Variants in ST7 observed in about 807,000 individuals in gnomAD.
ST7 encodes suppression of tumorigenicity 7.
ST7 carries 28 observed loss-of-function variants against 78.7 expected under a neutral mutation model. That is an observed-to-expected ratio of 0.36 (90% CI 0.26 to 0.49). ST7 has a LOEUF of 0.49. ST7 is among the 20% of genes least tolerant of loss of function. The pLI is 0.99. For missense variants in ST7, 418 were observed against 696.0 expected, an observed-to-expected ratio of 0.60 and a Z score of 4.49; for synonymous variants, 247 against 249.6, an observed-to-expected ratio of 0.99 and a Z score of 0.10.
intron 1 of ST7, among the ~76,000 whole-genome samples, chr7:117,087,584 A>G (rs1800257841): frequency 6.6e-6 from 1 of 152,214 alleles, no homozygotes; most frequent in Admixed American, 6.5e-5. Context: ...TTCATAATTT[A>G]CTTACTAACT....
intron 1 of ST7, among the ~76,000 whole-genome samples, chr7:117,095,399 T>C (rs762369542): frequency 2.2e-4 from 34 of 152,310 alleles, no homozygotes; most frequent in Non-Finnish European, 4.3e-4. Flanking sequence ...CTGTGATCCA[T>C]AGAGGTAATT....
intron 3 of ST7, 77 bp from the exon 4 acceptor site, chr7:117,129,716 G>C: frequency 9.3e-7 from 1 of 1,074,762 alleles, no homozygotes; most frequent in East Asian, 2.4e-5. Context: ...ATGGCAGGAA[G>C]GGTGTTTTGC....
At chr7:117,182,767 G>A (rs1365765864) in intron 10 of ST7, 3 of 152,122 alleles carry the variant, frequency 2.0e-5, no homozygotes, top group Non-Finnish European at 2.9e-5. Flanking sequence ...GGATTTAGAG[G>A]ATTGTTTTCA....
chr7:117,060,499 T>C (rs891285028), intron 1 of ST7, among the ~76,000 whole-genome samples: 4 of 152,196 alleles, frequency 2.6e-5, no homozygotes, highest in African/African-American at 9.6e-5. Flanking sequence ...GACTAAATGC[T>C]TGACAAATAC....
intron 1 of ST7, chr7:116,965,706 T>G (rs1469590609): frequency 6.6e-6 from 1 of 152,420 alleles, no homozygotes; most frequent in African/African-American, 2.4e-5. Context: ...GATTCTTGAA[T>G]GAATGTTTTC....
Position 117,190,924 on chromosome 7 carries a change from T to C in ST7, c.1242T>C (p.Pro414=). ...EAIHRAVEFN[P]HVPKYLLEMK... is the part of the protein sequence containing the mutation. ...TTCATAGAGCTGTGGAATTCAATCC[T>C]CATGTGCCAAAAGTGAGTCTGTGGA... The change falls in exon 12 of 16, where the codon CCT becomes CCC. Residue 414 remains proline, a synonymous_variant. Transcript: ENST00000323984. The surrounding 1 kb of genome is among the most constrained non-coding windows in gnomAD (Gnocchi z 5.2). The C allele has an allele frequency of 6.2e-7, 1 of 1,613,850 alleles. No individual in the cohort carries two copies. The highest frequency in any genetic ancestry group is 8.5e-7 in the Non-Finnish European group (1 of 1,179,766).
At chr7:117,043,593 T>G (rs557242286) in intron 1 of ST7, among the ~76,000 whole-genome samples, 15 of 152,334 alleles carry the variant, frequency 9.8e-5, no homozygotes, top group African/African-American at 3.6e-4. Flanking sequence ...TTTAATTGCC[T>G]TTAACCAATG....
At chr7:117,027,046 G>A (rs1352884438) in intron 1 of ST7, among the ~76,000 whole-genome samples, 1 of 152,198 alleles carries the variant, frequency 6.6e-6, no homozygotes, top group Non-Finnish European at 1.5e-5. Context: ...ACTAAAGGTT[G>A]GAATGTTGTC....
chr7:117,006,143 G>A (rs969623881), intron 1 of ST7, among the ~76,000 whole-genome samples: 12 of 152,256 alleles, frequency 7.9e-5, no homozygotes, highest in African/African-American at 2.2e-4. Flanking sequence ...CCTTTTTCAT[G>A]GTTGATTTAT....
At chr7:117,195,503 T>A (rs1428842973) in intron 12 of ST7, among the ~76,000 whole-genome samples, 1 of 152,146 alleles carries the variant, frequency 6.6e-6, no homozygotes, top group Admixed American at 6.5e-5. Context: ...ACTAAGTGAT[T>A]TATAGAGGAA....
intron 1 of ST7, among the ~76,000 whole-genome samples, chr7:117,088,534 T>C (rs1800333755): frequency 6.6e-6 from 1 of 152,230 alleles, no homozygotes; most frequent in African/African-American, 2.4e-5. Flanking sequence ...GTTCAAACAG[T>C]TGATTATTGT....
In ST7 at chr7:117,134,138, T is replaced by G. The variant is rs765515114; in HGVS notation, c.656T>G (p.Val219Gly). Reference sequence around the variant, plus strand: ...TTCTTGGTCAGAATTAGGTCCAGAGTTGAAGTTCCCCTAATTGCTTCCTCT... The same window carrying G: ...TTCTTGGTCAGAATTAGGTCCAGAGGTGAAGTTCCCCTAATTGCTTCCTCT... ...ALEINEIRSR[V>G]EVPLIASSTI... is the part of the protein sequence containing the mutation. The change falls in exon 7 of 16, where the codon GTT (valine) becomes GGT (glycine). Residue 219 changes from valine to glycine, a missense_variant. This residue lies in a region of ST7 where 288 missense variants were observed against 537.1 expected (regional missense o/e 0.54). Coordinates refer to ENST00000323984, the MANE Select transcript of ST7 (RefSeq NM_001369598.1). 2 of 1,611,882 alleles carry G rather than the reference T, an allele frequency of 1.2e-6. No homozygotes were observed. Among genetic ancestry groups the G allele is most frequent in the Non-Finnish European group, 1.7e-6 (2 of 1,178,712 alleles).
intron 1 of ST7, among the ~76,000 whole-genome samples, chr7:117,027,463 A>AAAAGTAAAAGTAAAAGTAAAAGT (rs1554427204): frequency 7.1e-6 from 1 of 140,630 alleles, no homozygotes; most frequent in African/African-American, 2.8e-5. Flanking sequence ...AAAGTAAAGT[A>AAAAGTAAAAGTAAAAGTAAAAGT]AAAGTAAAGT....
chr7:117,127,519 C>T (rs1398887127), intron 3 of ST7, among the ~76,000 whole-genome samples: 4 of 151,946 alleles, frequency 2.6e-5, no homozygotes. Context: ...ACCTGTCTTG[C>T]ACCTTCAATT....
At position 117,205,672 on chromosome 7, in the gene ST7, G is replaced by C. The variant is rs1037938409; in HGVS notation, c.1255-4115G>C. Among the ~76,000 whole-genome samples the C allele has an allele frequency of 1.2e-4, 19 of 152,220 alleles. 1 individual carries two copies. The highest frequency in any genetic ancestry group is 1.3e-4 in the Non-Finnish European group (9 of 68,048). On this transcript the variant is annotated intron_variant, in intron 12 of 15. Transcript: ENST00000323984. ...CTCCACTCAGAGACCTCCATGAGTA[G>C]GCGCTGCTCACACCTAAAGACCACA...
At chr7:117,131,250 A>T (rs1804326703) in intron 5 of ST7, among the ~76,000 whole-genome samples, 1 of 151,902 alleles carries the variant, frequency 6.6e-6, no homozygotes, top group Non-Finnish European at 1.5e-5. Context: ...TAAAATAAAT[A>T]AGGAGATTGT....
chr7:117,112,851 T>C (rs1259640435), intron 2 of ST7, among the ~76,000 whole-genome samples: 1 of 152,152 alleles, frequency 6.6e-6, no homozygotes, highest in Non-Finnish European at 1.5e-5. Context: ...CTGCAGACAA[T>C]GAGAGGAAAT....
At chr7:117,022,377 G>T (rs897703595) in intron 1 of ST7, among the ~76,000 whole-genome samples, 1 of 152,206 alleles carries the variant, frequency 6.6e-6, no homozygotes, top group African/African-American at 2.4e-5. Flanking sequence ...TCTTTGGCAC[G>T]TGTATACCTA....
intron 15 of ST7, among the ~76,000 whole-genome samples, chr7:117,227,376 A>G (rs1793515796): frequency 6.6e-6 from 1 of 152,222 alleles, no homozygotes. Flanking sequence ...TAACTTTGCC[A>G]GCAATATCAC....
Sources: gnomAD v4.1 joint callset for allele counts (sites outside exome capture counted in the v4.1 genomes callset) on GRCh38, gnomAD v4.1.1 for gene constraint, gnomAD v4.1.1 regional missense constraint, Gnocchi (gnomAD v3.1) non-coding constraint, MANE v1.5 for transcripts, NCBI Gene and HGNC (gene_info 2026-07-23, HGNC 2026-07-21) for gene names.